PTP4A1: variants seen among roughly 807,000 people sequenced by gnomAD.
PTP4A1 encodes protein tyrosine phosphatase 4A1.
PTP4A1 carries 9 observed loss-of-function variants against 20.5 expected under a neutral mutation model. The ratio of observed to expected loss-of-function variants is 0.44; its 90% confidence interval spans 0.26 to 0.77. PTP4A1 has a LOEUF of 0.77. PTP4A1 is among the 30% of genes least tolerant of loss of function. PTP4A1 has a pLI of 0.19. For synonymous variants in PTP4A1, 78 were observed against 67.4 expected (o/e 1.16, Z -0.77); for missense variants, 137 against 218.8 (o/e 0.63, Z 2.36).
rs935008153 is a variant in PTP4A1, at chr6:63,582,049, A to C, written c.*1875A>C. 6.6e-6 allele frequency: 1 copy of C among 152,192 alleles called. No homozygotes were observed. Among genetic ancestry groups the C allele is most frequent in the Non-Finnish European group, 1.5e-5 (1 of 68,026 alleles). The allele number at this position is 152,192 out of a possible 1,614,324, so 9.4% of individuals were successfully genotyped here. ...GAATTTAGTTCCACCTCTTCATACC[A>C]GTTTAACACTTAATATATTTCATTG... On this transcript the variant is annotated 3_prime_UTR_variant, in exon 6 of 6. Coordinates refer to ENST00000626021, the MANE Select transcript of PTP4A1 (RefSeq NM_003463.5).
intron 1 of PTP4A1, among the ~76,000 whole-genome samples, chr6:63,527,512 T>A (rs1451886544): frequency 6.6e-6 from 1 of 152,164 alleles, no homozygotes; most frequent in Non-Finnish European, 1.5e-5. Context: ...ATAAATAATA[T>A]CTAATGTGCT....
chr6:63,538,303 C>A (rs1461242824), intron 2 of PTP4A1, among the ~76,000 whole-genome samples: 1 of 152,076 alleles, frequency 6.6e-6, no homozygotes, highest in Admixed American at 6.6e-5. Flanking sequence ...AACAAGATTT[C>A]AAAAAATTGT....
At chr6:63,557,151 A>G (rs980972902) in intron 3 of PTP4A1, among the ~76,000 whole-genome samples, 8 of 152,240 alleles carry the variant, frequency 5.3e-5, no homozygotes, top group Non-Finnish European at 1.0e-4. Flanking sequence ...GATAGATGAC[A>G]TTTAAAAAAT....
intron 2 of PTP4A1, chr6:63,548,821 A>G (rs1353403769): frequency 6.7e-6 from 5 of 749,138 alleles, no homozygotes; most frequent in Admixed American, 5.3e-5. Flanking sequence ...ATCTCATTGT[A>G]TCTGTCATTG....
chr6:63,555,353 G>A (rs1776634007), intron 3 of PTP4A1, among the ~76,000 whole-genome samples: 2 of 152,170 alleles, frequency 1.3e-5, no homozygotes, highest in Non-Finnish European at 2.9e-5. Flanking sequence ...ATTCAATATT[G>A]TTGTCACAGT....
rs956829990 is a variant in PTP4A1 at position 63,582,406 on chromosome 6, T to A, written c.*2232T>A. 2 of 152,512 alleles carry A rather than the reference T, an allele frequency of 1.3e-5. No homozygotes were observed. The highest frequency in any genetic ancestry group is 4.1e-4 in the South Asian group (2 of 4,832). The allele number at this position is 152,512 out of a possible 1,614,324, so 9.4% of individuals were successfully genotyped here. On this transcript the variant is annotated 3_prime_UTR_variant, in exon 6 of 6. Transcript: ENST00000626021. ...TTGTATATATGGTGCTAAAAATAAA[T>A]TAATTTACTTTATAAACCTTATCTG...
chr6:63,529,296 C>G (rs190817692), intron 2 of PTP4A1, among the ~76,000 whole-genome samples: 247 of 150,968 alleles, frequency 1.6e-3, no homozygotes, highest in Non-Finnish European at 1.5e-3. Flanking sequence ...AATACCTAGT[C>G]TTTCTCTACA....
chr6:63,528,013 G>A (rs1384315951), exon 2 of PTP4A1: 1 of 152,196 alleles, frequency 6.6e-6, no homozygotes, highest in East Asian at 1.9e-4. Flanking sequence ...GCAGCTCTTG[G>A]AGGCTCTACA....
At chr6:63,565,306 T>A (rs1777144453) in intron 3 of PTP4A1, among the ~76,000 whole-genome samples, 1 of 152,154 alleles carries the variant, frequency 6.6e-6, no homozygotes, top group African/African-American at 2.4e-5. Flanking sequence ...CTAATGTGAA[T>A]ACACATTCTC....
intron 2 of PTP4A1, among the ~76,000 whole-genome samples, chr6:63,540,620 G>T (rs1159914059): frequency 6.6e-6 from 1 of 151,474 alleles, no homozygotes; most frequent in Non-Finnish European, 1.5e-5. Context: ...TAGAGACCCT[G>T]TATCACAAAT....
At chr6:63,546,458 C>A (rs887585821) in intron 2 of PTP4A1, among the ~76,000 whole-genome samples, 3 of 152,298 alleles carry the variant, frequency 2.0e-5, no homozygotes, top group African/African-American at 7.2e-5. Context: ...GTAATCCCAG[C>A]ACTTTGGGTA....
intron 2 of PTP4A1, chr6:63,549,108 G>C: frequency 4.3e-6 from 3 of 702,798 alleles, no homozygotes; most frequent in South Asian, 3.0e-5. Context: ...TCGAAGGACA[G>C]GTGGTCTCTT....
intron 3 of PTP4A1, among the ~76,000 whole-genome samples, chr6:63,560,694 G>A (rs890289075): frequency 1.3e-5 from 2 of 151,988 alleles, no homozygotes; most frequent in Non-Finnish European, 2.9e-5. Context: ...GTGAGCCACC[G>A]CACCCAGCCA....
chr6:63,580,402 G>C lies in PTP4A1; in HGVS notation c.*228G>C. Reference sequence around the variant, plus strand: ...GATTCTTGCTGTCAGCATATAAAATGTGCTTGTCATTTGTATCAATTGACC... The same window carrying C: ...GATTCTTGCTGTCAGCATATAAAATCTGCTTGTCATTTGTATCAATTGACC... On this transcript the variant is annotated 3_prime_UTR_variant, in exon 6 of 6. Coordinates refer to ENST00000626021, the MANE Select transcript of PTP4A1 (RefSeq NM_003463.5). 2.2e-6 allele frequency: 1 copy of C among 462,650 alleles called. No individual in the cohort carries two copies. Among genetic ancestry groups the C allele is most frequent in the Non-Finnish European group, 3.9e-6 (1 of 255,556 alleles). 28.7% of individuals were successfully genotyped at this position (462,650 alleles called of 1,614,324 possible).
At chr6:63,531,450 T>A (rs962693211) in intron 2 of PTP4A1, among the ~76,000 whole-genome samples, 2 of 150,392 alleles carry the variant, frequency 1.3e-5, no homozygotes, top group African/African-American at 2.4e-5. Flanking sequence ...TACATAGACA[T>A]CACAAAATCC....
At chr6:63,517,752 A>C (rs967529665), upstream of PTP4A1, among the ~76,000 whole-genome samples, 1 of 152,242 alleles carries the variant, frequency 6.6e-6, no homozygotes, top group Admixed American at 6.5e-5. Flanking sequence ...ATTAAAAATT[A>C]AGGAGCAGCC....
At chr6:63,549,479 CT>C in intron 2 of PTP4A1, 1 of 788,068 alleles carries the variant, frequency 1.3e-6, no homozygotes, top group Non-Finnish European at 2.2e-6. Context: ...GAGCCACCTT[CT>C]TTCCCTTGGC....
intron 2 of PTP4A1, 53 bp from the exon 3 acceptor site, chr6:63,578,384 G>A: frequency 6.4e-7 from 1 of 1,554,026 alleles, no homozygotes; most frequent in Non-Finnish European, 8.7e-7. Flanking sequence ...AAAATGTTGA[G>A]TTATAGTGAT....
intron 2 of PTP4A1, among the ~76,000 whole-genome samples, chr6:63,543,410 G>C: frequency 6.6e-6 from 1 of 152,158 alleles, no homozygotes; most frequent in East Asian, 1.9e-4. Flanking sequence ...TTTGGGTCTT[G>C]TTTACTGTCT....
Sources: gnomAD v4.1 joint callset for allele counts (sites outside exome capture counted in the v4.1 genomes callset) on GRCh38, gnomAD v4.1.1 for gene constraint, MANE v1.5 for transcripts, NCBI Gene and HGNC (gene_info 2026-07-23, HGNC 2026-07-21) for gene names.